PDE1B: variants seen among roughly 807,000 people sequenced by gnomAD.
PDE1B encodes dual specificity calcium/calmodulin-dependent 3',5'-cyclic nucleotide phosphodiesterase 1B.
A neutral mutation model predicts 66.7 loss-of-function variants in PDE1B; 13 were observed. The observed-to-expected ratio is 0.19, with a 90% CI of 0.13 to 0.31. The LOEUF is 0.31. Among genes scored for constraint, PDE1B ranks in the 10% least tolerant of loss-of-function variants. The pLI is 1.00. For synonymous variants in PDE1B, 230 were observed against 253.9 expected, an observed-to-expected ratio of 0.91 and a Z score of 0.90; for missense variants, 485 against 682.3, an observed-to-expected ratio of 0.71 and a Z score of 3.22.
intron 10 of PDE1B, chr12:54,574,547 T>TAG (rs1362526249): frequency 6.5e-6 from 1 of 152,790 alleles, no homozygotes. Flanking sequence ...GTGGTAGGTA[T>TAG]AGACGTGAAC....
In PDE1B at chr12:54,572,794, C is replaced by T. The variant is rs144672561; in HGVS notation, c.735+53C>T. ...TGATTCAGGGCCTATGGCTACAGAA[C>T]TGGGAGGTCTAGACTGTACTCCCAT... On this transcript the variant is annotated intron_variant, in intron 7 of 15. Transcript: ENST00000243052. 144 of 1,559,936 alleles carry T rather than the reference C, an allele frequency of 9.2e-5. No homozygotes were observed. In the African/African-American group the frequency reaches 1.7e-3, roughly 18 times the overall value.
At chr12:54,577,011 C>A in intron 14 of PDE1B, 2 of 611,846 alleles carry the variant, frequency 3.3e-6, no homozygotes, top group Non-Finnish European at 5.7e-6. Context: ...GCTGGGAAAT[C>A]TCTTCCTGTG....
At chr12:54,560,137 TTAA>T (rs1033827397) in intron 2 of PDE1B, among the ~76,000 whole-genome samples, 4 of 152,160 alleles carry the variant, frequency 2.6e-5, no homozygotes, top group African/African-American at 9.7e-5. Context: ...GAGAACAGCC[TTAA>T]GATATTTGAC....
chr12:54,575,964 T>C lies in PDE1B; in HGVS notation c.1268-28T>C, dbSNP rs746633486. On this transcript the variant is annotated intron_variant, in intron 12 of 15. Coordinates refer to ENST00000243052, the MANE Select transcript of PDE1B (RefSeq NM_000924.4). This position sits in a 1 kb window ranked among gnomAD's most constrained non-coding sequence, Gnocchi z 4.0. ...TAGCCCTCCAGATAATAGTAAGACATCTCTACGGCATTGCTCCTCCACTGC... is the reference window on the plus strand; with the variant it reads ...TAGCCCTCCAGATAATAGTAAGACACCTCTACGGCATTGCTCCTCCACTGC... 2 of 1,460,532 alleles carry C rather than the reference T, an allele frequency of 1.4e-6. No homozygotes were observed. The highest frequency in any genetic ancestry group is 9.6e-7 in the Non-Finnish European group (1 of 1,040,506). The allele number at this position is 1,460,532 out of a possible 1,614,324, so 90.5% of individuals were successfully genotyped here.
Position 54,578,222 on chromosome 12 carries a change from C to T in PDE1B, c.*380C>T, listed in dbSNP as rs1957801202. 2 of 152,264 alleles carry T rather than the reference C, an allele frequency of 1.3e-5. No individual in the cohort carries two copies. Among genetic ancestry groups the T allele is most frequent in the Non-Finnish European group, 1.5e-5 (1 of 68,096 alleles). The allele number at this position is 152,264 out of a possible 1,614,324, so 9.4% of individuals were successfully genotyped here. ...CTGGGACCTCCCCCATCCTTTTTGC[C>T]TCCAAGTTTCTAAGCAATACATTTT... is the stretch of plus-strand genomic sequence containing the variant. On this transcript the variant is annotated 3_prime_UTR_variant, in exon 16 of 16. Transcript: ENST00000243052.
intron 2 of PDE1B, among the ~76,000 whole-genome samples, chr12:54,559,646 T>C (rs114948887): frequency 2.5e-3 from 384 of 152,254 alleles, no homozygotes; most frequent in African/African-American, 9.0e-3. Flanking sequence ...TGAGCAGCCA[T>C]TCGTCCAACC....
Position 54,577,850 on chromosome 12 carries a change from C to G in PDE1B, c.*18-10C>G, listed in dbSNP as rs1592178164. On this transcript the variant is annotated splice_polypyrimidine_tract_variant and intron_variant, in intron 15 of 15. Transcript: ENST00000243052. ...GCTCAGGGCACTGAAGTTTCTCCCT[C>G]TTTCCCCAGGTCTTCATTGAGTCCA... 1 of 299,960 alleles carries G rather than the reference C, an allele frequency of 3.3e-6. No homozygotes were observed. Among genetic ancestry groups the G allele is most frequent in the South Asian group, 1.2e-4 (1 of 8,026 alleles). 18.6% of individuals were successfully genotyped at this position (299,960 alleles called of 1,614,324 possible).
chr12:54,566,753 C>A (rs1338626729), intron 2 of PDE1B, among the ~76,000 whole-genome samples: 1 of 152,126 alleles, frequency 6.6e-6, no homozygotes, highest in East Asian at 1.9e-4. Context: ...GTCAGGAAAA[C>A]CTGGCATTAA....
At chr12:54,567,334 T>G (rs1032466331) in intron 3 of PDE1B, among the ~76,000 whole-genome samples, 6 of 147,512 alleles carry the variant, frequency 4.1e-5, no homozygotes, top group African/African-American at 1.6e-4. Context: ...CAAGACCCTG[T>G]CTCTACAAAA....
In PDE1B at chr12:54,575,378, A is replaced by G. The variant is rs1041910761; in HGVS notation, c.1185+160A>G. Reference sequence around the variant, plus strand: ...AAAACCCCATTATCCTAAAAGCCTAACAATAGTTGCATTTCATTTGCATAT... The same window carrying G: ...AAAACCCCATTATCCTAAAAGCCTAGCAATAGTTGCATTTCATTTGCATAT... On this transcript the variant is annotated intron_variant, in intron 11 of 15. Coordinates refer to ENST00000243052, the MANE Select transcript of PDE1B (RefSeq NM_000924.4). This position sits in a 1 kb window ranked among gnomAD's most constrained non-coding sequence, Gnocchi z 4.0. 2.8e-5 allele frequency: 22 copies of G among 779,320 alleles called. No homozygotes were observed. Among genetic ancestry groups the G allele is most frequent in the Admixed American group, 4.0e-5 (2 of 50,550 alleles). The allele number at this position is 779,320 out of a possible 1,614,324, so 48.3% of individuals were successfully genotyped here.
rs540949345 is a variant in PDE1B, at chr12:54,551,358, C to T, written c.113+1373C>T. 1.4e-4 allele frequency among the ~76,000 whole-genome samples: 21 copies of T among 152,304 alleles called. No individual in the cohort carries two copies. The South Asian group carries it at 4.1e-3, about 30-fold the overall frequency. ...ACTTCTCAGTCCTCCTCCTTGGCTG[C>T]CTCTGGCCAATCCAATTTGCTGGGC... On this transcript the variant is annotated intron_variant, in intron 2 of 15. Coordinates refer to ENST00000243052, the MANE Select transcript of PDE1B (RefSeq NM_000924.4).
Position 54,575,227 on chromosome 12 carries a change from G to A in PDE1B, c.1185+9G>A. On this transcript the variant is annotated intron_variant, in intron 11 of 15. Transcript: ENST00000243052. This position sits in a 1 kb window ranked among gnomAD's most constrained non-coding sequence, Gnocchi z 4.0. ...AGGAATTCTTCCGTCAGGTAGCGTG[G>A]CATCTTTGCCTTCCCTGTGCCTATG... is the stretch of plus-strand genomic sequence containing the variant. 1 of 1,612,614 alleles carries A rather than the reference G, an allele frequency of 6.2e-7. No homozygotes were observed. The highest frequency in any genetic ancestry group is 8.5e-7 in the Non-Finnish European group (1 of 1,178,806).
rs762753885 is a variant in PDE1B, at chr12:54,569,379, C to T, written c.410+13C>T. The T allele has an allele frequency of 8.1e-6, 13 of 1,596,052 alleles. No homozygotes were observed. In the African/African-American group the frequency reaches 1.2e-4, roughly 15 times the overall value. ...TCTTCGTGGAACGGTGAGGCTCGCC[C>T]ACACTCAGCCTCCCTCTGCCTTTAG... On this transcript the variant is annotated intron_variant, in intron 4 of 15. Coordinates refer to ENST00000243052, the MANE Select transcript of PDE1B (RefSeq NM_000924.4). This position sits in a 1 kb window ranked among gnomAD's most constrained non-coding sequence, Gnocchi z 4.4.
At chr12:54,561,669 A>G (rs1459197151) in intron 2 of PDE1B, 1 of 1,480,846 alleles carries the variant, frequency 6.8e-7, no homozygotes, top group Non-Finnish European at 9.1e-7. Flanking sequence ...AGGAAGGGGG[A>G]GGAGGGAAAG....
At chr12:54,566,327 G>T (rs190682559) in intron 2 of PDE1B, among the ~76,000 whole-genome samples, 1 of 152,340 alleles carries the variant, frequency 6.6e-6, no homozygotes, top group East Asian at 1.9e-4. Flanking sequence ...AAAGGCAGGG[G>T]TTAACCCGGC....
rs75159786 is a variant in PDE1B, at chr12:54,552,154, T to C, written c.113+2169T>C. 6.6e-3 allele frequency among the ~76,000 whole-genome samples: 1,011 copies of C among 152,290 alleles called. 5 individuals carry two copies. The highest frequency in any genetic ancestry group is 9.9e-3 in the Non-Finnish European group (673 of 68,030). On this transcript the variant is annotated intron_variant, in intron 2 of 15. Coordinates refer to ENST00000243052, the MANE Select transcript of PDE1B (RefSeq NM_000924.4). ...CTACTGGATTTTGCCTTTTTGAATA[T>C]TGGGGAGGCTTTGACTATCAGATGA...
chr12:54,561,029 C>T (rs1391576431), intron 2 of PDE1B, among the ~76,000 whole-genome samples: 1 of 152,140 alleles, frequency 6.6e-6, no homozygotes, highest in Non-Finnish European at 1.5e-5. Context: ...GTTCATCCCC[C>T]TGTCTTGCTT....
chr12:54,569,416 T>C lies in PDE1B; in HGVS notation c.410+50T>C, dbSNP rs1470925201. On this transcript the variant is annotated intron_variant, in intron 4 of 15. Coordinates refer to ENST00000243052, the MANE Select transcript of PDE1B (RefSeq NM_000924.4). The surrounding 1 kb of genome is among the most constrained non-coding windows in gnomAD (Gnocchi z 4.4). ...CCCTCTGCCTTTAGCTGTGCCCCTCTTTCCCAGCCACCCTGGTCTTCCATG... is the reference window on the plus strand; with the variant it reads ...CCCTCTGCCTTTAGCTGTGCCCCTCCTTCCCAGCCACCCTGGTCTTCCATG... The C allele has an allele frequency of 6.3e-7, 1 of 1,589,542 alleles. No homozygotes were observed. Among genetic ancestry groups the C allele is most frequent in the Non-Finnish European group, 8.6e-7 (1 of 1,165,826 alleles).
rs1262897878 is a variant in PDE1B at position 54,579,207 on chromosome 12, A to G, written c.*1365A>G. 3 of 978,466 alleles carry G rather than the reference A, an allele frequency of 3.1e-6. No homozygotes were observed. The African/African-American group carries it at 5.3e-5, about 17-fold the overall frequency. 60.6% of individuals were successfully genotyped at this position (978,466 alleles called of 1,614,324 possible). A position where few individuals can be genotyped will look rare whatever the true frequency, so the allele number is the denominator to read the frequency against. ...GCCCTTGGTTTCCCAGACCCCTGCT[A>G]TAGCCAGAGAACAATAAAGAAGGGA... is the stretch of plus-strand genomic sequence containing the variant. On this transcript the variant is annotated 3_prime_UTR_variant, in exon 16 of 16. Transcript: ENST00000243052.
Sources: gnomAD v4.1 joint callset for allele counts (sites outside exome capture counted in the v4.1 genomes callset) on GRCh38, gnomAD v4.1.1 for gene constraint, Gnocchi (gnomAD v3.1) non-coding constraint, MANE v1.5 for transcripts, NCBI Gene and HGNC (gene_info 2026-07-23, HGNC 2026-07-21) for gene names.